The following BIRC6 variants were observed in gnomAD, a reference collection of about 807,000 sequenced individuals.
BIRC6 encodes dual E2 ubiquitin-conjugating enzyme/E3 ubiquitin-protein ligase BIRC6.
In BIRC6, 98 loss-of-function variants were observed where a neutral mutation model predicts 503.3. The ratio of observed to expected loss-of-function variants is 0.19; its 90% CI spans 0.17 to 0.23. BIRC6 has a LOEUF of 0.23. BIRC6 is among the 10% of genes least tolerant of loss of function. The probability of loss-of-function intolerance (pLI) is 1.00; values close to 1 mark genes in which losing one functional copy is unlikely to be tolerated. For missense variants in BIRC6, 5,360 were observed against 5,806.0 expected (o/e 0.92, Z 2.50); for synonymous variants, 2,240 against 2,078.7 (o/e 1.08, Z -2.11).
At chr2:32,563,476 A>T (rs2059334059) in intron 65 of BIRC6, 1 of 152,184 alleles carries the variant, frequency 6.6e-6, no homozygotes. Flanking sequence ...TTCAAGTCTT[A>T]TGTTTTCCTA....
intron 71 of BIRC6, among the ~76,000 whole-genome samples, chr2:32,605,585 C>T (rs1292405087): frequency 6.6e-6 from 1 of 152,060 alleles, no homozygotes; most frequent in African/African-American, 2.4e-5. Context: ...GATGTCTGGC[C>T]GGGCGAGGTG....
In BIRC6 at chr2:32,479,592, T is replaced by C; in HGVS notation, c.7383T>C (p.Asp2461=). Residue 2461 remains aspartate (D), a synonymous_variant, in exon 37 of 74, where the codon GAT becomes GAC. Coordinates refer to ENST00000421745, the MANE Select transcript of BIRC6 (RefSeq NM_016252.4). ...CAGTTCAGTTGCTGGAAACTATAGA[T>C]GAACCTTTGACACATGACATAACAG... ...QSSVQLLETI[D]EPLTHDITGA... 6.2e-7 allele frequency: 1 copy of C among 1,609,328 alleles called. No individual in the cohort carries two copies. Among genetic ancestry groups the C allele is most frequent in the Non-Finnish European group, 8.5e-7 (1 of 1,177,394 alleles).
At chr2:32,478,537 C>T (rs2050025858) in intron 35 of BIRC6, 98 bp from the exon 36 acceptor site, 1 of 1,019,110 alleles carries the variant, frequency 9.8e-7, no homozygotes, top group Admixed American at 3.6e-5. Context: ...ATTGTTGAAA[C>T]CTATTGTTCA....
intron 17 of BIRC6, 113 bp from the exon 18 acceptor site, chr2:32,441,952 T>A (rs1039402276): frequency 2.6e-6 from 2 of 766,072 alleles, no homozygotes; most frequent in Non-Finnish European, 3.8e-6. Flanking sequence ...TGTTTTTAAA[T>A]GTACTTGAGA....
In BIRC6 at chr2:32,553,067, C is replaced by T. The variant is rs990735342; in HGVS notation, c.13144+3586C>T. The stretch of plus-strand genomic sequence containing the variant: ...ACAAAATTAGCCAGATGTGGTGGCA[C>T]ATGCCTGTAATCCCAGCTACTTGGG... On this transcript the variant is annotated intron_variant, in intron 65 of 73. Transcript: ENST00000421745. Among the ~76,000 whole-genome samples the T allele has an allele frequency of 1.7e-4, 25 of 148,682 alleles. 1 individual carries two copies. The highest frequency in any genetic ancestry group is 8.0e-4 in the Admixed American group (12 of 14,958).
chr2:32,459,356 G>T (rs982716106), intron 23 of BIRC6, among the ~76,000 whole-genome samples: 1 of 152,090 alleles, frequency 6.6e-6, no homozygotes, highest in Non-Finnish European at 1.5e-5. Context: ...CTTTTTGGCT[G>T]TTATGTCTAA....
chr2:32,399,103 G>T (rs1248812994), intron 6 of BIRC6, among the ~76,000 whole-genome samples: 1 of 151,308 alleles, frequency 6.6e-6, no homozygotes, highest in African/African-American at 2.4e-5. Flanking sequence ...TTATTTTTTT[G>T]GAGACACAGT....
chr2:32,555,627 CAAAAAAAT>C (rs992107503), intron 65 of BIRC6, among the ~76,000 whole-genome samples: 6 of 149,398 alleles, frequency 4.0e-5, no homozygotes, highest in African/African-American at 9.9e-5. Context: ...GACTCCATCT[CAAAAAAAT>C]AAAAAAATAA....
At chr2:32,360,962 C>G (rs544360651) in intron 1 of BIRC6, among the ~76,000 whole-genome samples, 2 of 151,922 alleles carry the variant, frequency 1.3e-5, no homozygotes, top group East Asian at 3.9e-4. Context: ...ACTCTGTGGC[C>G]CAGGCTGGAG....
intron 17 of BIRC6, among the ~76,000 whole-genome samples, 184 bp downstream of exon 17, chr2:32,441,646 G>A (rs1029549461): frequency 2.6e-5 from 4 of 152,052 alleles, no homozygotes; most frequent in African/African-American, 9.7e-5. Context: ...TATCTCTAGT[G>A]TCCGCACAGT....
intron 69 of BIRC6, among the ~76,000 whole-genome samples, chr2:32,598,758 C>T (rs1289986680): frequency 6.6e-6 from 1 of 152,118 alleles, no homozygotes. Flanking sequence ...TGGATAGGCT[C>T]ATGCCTGTAA....
intron 1 of BIRC6, among the ~76,000 whole-genome samples, chr2:32,360,167 A>T (rs1463026093): frequency 6.6e-6 from 1 of 152,174 alleles, no homozygotes; most frequent in African/African-American, 2.4e-5. Context: ...ACTAGGTGAT[A>T]CAGTAATAGG....
At chr2:32,554,475 C>T (rs1209081963) in intron 65 of BIRC6, among the ~76,000 whole-genome samples, 3 of 152,028 alleles carry the variant, frequency 2.0e-5, no homozygotes, top group Non-Finnish European at 4.4e-5. Flanking sequence ...TGGATTTTGT[C>T]ATTATGAAAA....
At chr2:32,589,400 C>A (rs2061264468) in intron 66 of BIRC6, among the ~76,000 whole-genome samples, 1 of 152,144 alleles carries the variant, frequency 6.6e-6, no homozygotes, top group South Asian at 2.1e-4. Context: ...TGGGAGATCA[C>A]TTGATTTACA....
intron 44 of BIRC6, among the ~76,000 whole-genome samples, chr2:32,492,999 G>GA (rs992628481): frequency 1.3e-5 from 2 of 150,216 alleles, no homozygotes; most frequent in African/African-American, 4.9e-5. Context: ...TTTCATTGAT[G>GA]AATTAGAAGT....
At chr2:32,609,035 G>T (rs1483275320) in intron 72 of BIRC6, among the ~76,000 whole-genome samples, 1 of 151,116 alleles carries the variant, frequency 6.6e-6, no homozygotes, top group Non-Finnish European at 1.5e-5. Context: ...GCATACCACC[G>T]CAACTGGCTA....
rs1379167360 is a variant in BIRC6, at chr2:32,618,331, A to G, written c.*427A>G. The G allele has an allele frequency of 6.5e-6, 1 of 152,808 alleles. No homozygotes were observed. The allele number at this position is 152,808 out of a possible 1,614,324, so 9.5% of individuals were successfully genotyped here. A position where few individuals can be genotyped will look rare whatever the true frequency, so the allele number is the denominator to read the frequency against. On this transcript the variant is annotated 3_prime_UTR_variant, in exon 74 of 74. Coordinates refer to ENST00000421745, the MANE Select transcript of BIRC6 (RefSeq NM_016252.4). ...AGCAACTTTTCACTGAATTTGATAG[A>G]TTTTATGTTTGGCCATATCTTCATG...
Position 32,442,420 on chromosome 2 carries a change from C to T in BIRC6, c.4203C>T (p.Ala1401=), listed in dbSNP as rs752831165. The change falls in exon 19 of 74, where the codon GCC becomes GCT. Residue 1401 remains alanine, a synonymous_variant. Coordinates refer to ENST00000421745, the MANE Select transcript of BIRC6 (RefSeq NM_016252.4). Reference sequence around the variant, plus strand: ...TCTTTGAGGCAGGACGAAGTATAGCCCATAAGTGTGCCCGATTTCTAGCCT... The same window carrying T: ...TCTTTGAGGCAGGACGAAGTATAGCTCATAAGTGTGCCCGATTTCTAGCCT... The part of the protein sequence containing the change: ...VCFFEAGRSI[A]HKCARFLALC... The T allele has an allele frequency of 5.0e-6, 8 of 1,609,488 alleles. No homozygotes were observed. In the South Asian group the frequency reaches 7.8e-5, roughly 16 times the overall value.
chr2:32,456,272 G>T (rs1304200859), intron 23 of BIRC6, among the ~76,000 whole-genome samples: 1 of 152,142 alleles, frequency 6.6e-6, no homozygotes, highest in African/African-American at 2.4e-5. Context: ...AATTGCACAT[G>T]TATGTATATT....
Sources: gnomAD v4.1 joint callset for allele counts (sites outside exome capture counted in the v4.1 genomes callset) on GRCh38, gnomAD v4.1.1 for gene constraint, MANE v1.5 for transcripts, NCBI Gene and HGNC (gene_info 2026-07-23, HGNC 2026-07-21) for gene names.